SPOCK1: variants seen among roughly 807,000 people sequenced by gnomAD.
SPOCK1 encodes the protein testican-1.
SPOCK1 carries 23 observed loss-of-function variants against 55.3 expected under a neutral mutation model. The ratio of observed to expected loss-of-function variants is 0.42; its 90% CI spans 0.30 to 0.59. The LOEUF is 0.59. SPOCK1 is among the 20% of genes least tolerant of loss of function. The pLI is 0.22. For synonymous variants in SPOCK1, 226 were observed against 221.0 expected (o/e 1.02, Z -0.20); for missense variants, 499 against 552.5 (o/e 0.90, Z 0.97).
intron 2 of SPOCK1, among the ~76,000 whole-genome samples, chr5:137,411,911 C>T (rs992385297): frequency 5.3e-5 from 8 of 152,074 alleles, no homozygotes; most frequent in Non-Finnish European, 1.0e-4. Context: ...ACTGTTTTTC[C>T]ACTGCATTTC....
At chr5:137,195,445 T>C (rs1254012055) in intron 3 of SPOCK1, among the ~76,000 whole-genome samples, 1 of 152,234 alleles carries the variant, frequency 6.6e-6, no homozygotes, top group Non-Finnish European at 1.5e-5. Context: ...TTTGAAGATA[T>C]CTTAACAAAG....
chr5:137,128,493 T>C (rs910830150), intron 4 of SPOCK1, among the ~76,000 whole-genome samples: 2 of 152,360 alleles, frequency 1.3e-5, no homozygotes, highest in East Asian at 1.9e-4. Context: ...GTGCCTACTA[T>C]GTACTGGTAC....
chr5:137,445,366 C>T (rs1342587774), intron 2 of SPOCK1, among the ~76,000 whole-genome samples: 2 of 152,144 alleles, frequency 1.3e-5, no homozygotes, highest in Admixed American at 6.5e-5. Flanking sequence ...CATACTTTTC[C>T]TTCAACCCTA....
At chr5:137,038,052 G>A (rs964570029) in intron 6 of SPOCK1, among the ~76,000 whole-genome samples, 27 of 152,198 alleles carry the variant, frequency 1.8e-4, no homozygotes, top group African/African-American at 5.8e-4. Context: ...GCCTGAGGGT[G>A]GAGCTGTCTC....
chr5:137,068,039 T>C (rs1035113325), intron 5 of SPOCK1, among the ~76,000 whole-genome samples: 3 of 152,180 alleles, frequency 2.0e-5, no homozygotes, highest in Admixed American at 2.0e-4. Flanking sequence ...CTAAAAACAC[T>C]GTGGAAGCCC....
At chr5:137,497,644 C>T (rs1754326765) in intron 2 of SPOCK1, among the ~76,000 whole-genome samples, 1 of 152,146 alleles carries the variant, frequency 6.6e-6, no homozygotes, top group South Asian at 2.1e-4. Context: ...AGAAACAGGC[C>T]GCAAGTGTGT....
chr5:137,140,168 C>A (rs935198889), intron 4 of SPOCK1, among the ~76,000 whole-genome samples: 6 of 152,232 alleles, frequency 3.9e-5, no homozygotes, highest in African/African-American at 1.4e-4. Context: ...AGCCCTTGGG[C>A]CTCAATGGAC....
intron 2 of SPOCK1, among the ~76,000 whole-genome samples, chr5:137,455,279 TG>T (rs1370566090): frequency 6.6e-6 from 1 of 152,210 alleles, no homozygotes; most frequent in African/African-American, 2.4e-5. Flanking sequence ...TAAAGTTATC[TG>T]AGGCCAGAAA....
At chr5:137,298,692 G>T (rs1444701709) in intron 2 of SPOCK1, among the ~76,000 whole-genome samples, 1 of 152,102 alleles carries the variant, frequency 6.6e-6, no homozygotes, top group Non-Finnish European at 1.5e-5. Context: ...CATACATATT[G>T]ATGACTGTTA....
chr5:137,221,673 T>C (rs1338319116), intron 3 of SPOCK1, among the ~76,000 whole-genome samples: 1 of 152,242 alleles, frequency 6.6e-6, no homozygotes, highest in Non-Finnish European at 1.5e-5. Context: ...CCATTCATTA[T>C]GATATGTGTT....
At chr5:137,498,634 C>CA in intron 1 of SPOCK1, 76 bp from the exon 2 acceptor site, 1 of 1,171,204 alleles carries the variant, frequency 8.5e-7, no homozygotes, top group Non-Finnish European at 1.1e-6. Context: ...GGCGTCCCAG[C>CA]GCCCCAGCCC....
rs1561621235 is a variant in SPOCK1, at chr5:137,132,021, A to ATAT, written c.347+8558_347+8559insATA. 2.1e-3 allele frequency among the ~76,000 whole-genome samples: 143 copies of ATAT among 68,458 alleles called. 14 individuals carry two copies. The highest frequency in any genetic ancestry group is 3.2e-3 in the East Asian group (9 of 2,822). The allele number at this position is 68,458 out of a possible 152,430, so 44.9% of individuals were successfully genotyped here. A position where few individuals can be genotyped will look rare whatever the true frequency, so the allele number is the denominator to read the frequency against. ...ATATATATATATATATATATATATA[A>ATAT]AAAATTAGCTGGGCATGGTGGCAAG... On this transcript the variant is annotated intron_variant, in intron 4 of 10. Transcript: ENST00000394945.
At chr5:137,178,317 G>C (rs1754896636) in intron 3 of SPOCK1, among the ~76,000 whole-genome samples, 1 of 152,232 alleles carries the variant, frequency 6.6e-6, no homozygotes, top group Non-Finnish European at 1.5e-5. Flanking sequence ...GTGGAACAAG[G>C]GATAGAATTT....
chr5:137,180,751 G>A (rs1422543032), intron 3 of SPOCK1, among the ~76,000 whole-genome samples: 2 of 152,198 alleles, frequency 1.3e-5, no homozygotes, highest in African/African-American at 4.8e-5. Context: ...CCCCTCTTCA[G>A]TGTTTTCCTT....
intron 7 of SPOCK1, chr5:136,988,888 C>A: frequency 2.5e-6 from 1 of 399,280 alleles, no homozygotes; most frequent in East Asian, 3.8e-5. Flanking sequence ...GAAAAATCCC[C>A]AATGTTAACA....
At chr5:137,458,667 C>T (rs897155785) in intron 2 of SPOCK1, among the ~76,000 whole-genome samples, 3 of 152,106 alleles carry the variant, frequency 2.0e-5, no homozygotes, top group Admixed American at 1.3e-4. Flanking sequence ...CTTGTTTGTT[C>T]GTTTTTTTTA....
At chr5:137,087,335 T>A (rs1478471416) in intron 5 of SPOCK1, among the ~76,000 whole-genome samples, 1 of 152,184 alleles carries the variant, frequency 6.6e-6, no homozygotes, top group African/African-American at 2.4e-5. Flanking sequence ...AACAAGGCAG[T>A]ATATCTCTCT....
intron 2 of SPOCK1, among the ~76,000 whole-genome samples, chr5:137,398,049 C>T (rs1235399): frequency 0.13 from 19,064 of 151,962 alleles, 1,564 homozygotes; most frequent in Middle Eastern, 0.23. Context: ...GAGAGACTAC[C>T]CAGGACACCG....
chr5:137,449,886 C>CAAAAAAAAAAAAAAAAAAAAAAAAAAA (rs562723108), intron 2 of SPOCK1, among the ~76,000 whole-genome samples: 2 of 52,908 alleles, frequency 3.8e-5, no homozygotes, highest in African/African-American at 1.6e-4. Flanking sequence ...GATGCTGTCT[C>CAAAAAAAAAAAAAAAAAAAAAAAAAAA]AAAAAAAAAA....
Sources: allele counts gnomAD v4.1 joint callset (sites outside exome capture counted in the v4.1 genomes callset), GRCh38; gene constraint gnomAD v4.1.1; transcripts MANE v1.5; gene names NCBI Gene and HGNC (gene_info 2026-07-23, HGNC 2026-07-21).